The following LRRC17 variants were observed in gnomAD, a reference collection of about 807,000 sequenced individuals.
LRRC17 encodes leucine-rich repeat-containing protein 17.
Under a neutral mutation model 41.5 loss-of-function variants are expected in LRRC17, and 33 were observed. That is an observed-to-expected ratio of 0.80 (90% confidence interval 0.60 to 1.06). The LOEUF (loss-of-function observed/expected upper bound fraction) is 1.06. Among genes scored for constraint, LRRC17 ranks in the 50% least tolerant of loss-of-function variants. LRRC17 has a pLI of 0.00. For missense variants in LRRC17, 491 were observed against 519.3 expected (o/e 0.95, Z 0.53); for synonymous variants, 192 against 197.0 (o/e 0.97, Z 0.21).
At chr7:102,919,620 T>A (rs966642496) in intron 1 of LRRC17, among the ~76,000 whole-genome samples, 4 of 152,176 alleles carry the variant, frequency 2.6e-5, no homozygotes, top group Non-Finnish European at 5.9e-5. Context: ...CAAAAAATCA[T>A]GCTAGCTTCA....
intron 1 of LRRC17, among the ~76,000 whole-genome samples, chr7:102,914,822 A>G (rs1214882105): frequency 6.6e-6 from 1 of 152,118 alleles, no homozygotes; most frequent in Non-Finnish European, 1.5e-5. Context: ...TGTCGAGTGG[A>G]CTGAGCTGTG....
chr7:102,934,738 G>C (rs1466835178), intron 2 of LRRC17, 53 bp downstream of exon 2: 15 of 1,441,650 alleles, frequency 1.0e-5, no homozygotes, highest in Admixed American at 2.2e-5. Context: ...AATGCTCTTT[G>C]AATCTTATAA....
At chr7:102,927,341 A>G (rs984839273) in intron 1 of LRRC17, among the ~76,000 whole-genome samples, 1 of 152,192 alleles carries the variant, frequency 6.6e-6, no homozygotes, top group Non-Finnish European at 1.5e-5. Context: ...GCAGGTATCT[A>G]TCTGTCTGGA....
Position 102,920,984 on chromosome 7 carries a change from G to A in LRRC17, c.-141+7839G>A, listed in dbSNP as rs147631853. On this transcript the variant is annotated intron_variant, in intron 1 of 3. Coordinates refer to ENST00000339431, the MANE Select transcript of LRRC17 (RefSeq NM_001031692.3). ...CTGGCCAACATGATGAAACCCTGTCGCTACTAAAAATACAAATATTAGCCT... is the reference window on the plus strand; with the variant it reads ...CTGGCCAACATGATGAAACCCTGTCACTACTAAAAATACAAATATTAGCCT... Among the ~76,000 whole-genome samples the A allele has an allele frequency of 3.8e-3, 569 of 151,352 alleles. 5 individuals carry two copies. Among genetic ancestry groups the A allele is most frequent in the African/African-American group, 0.014 (560 of 41,280 alleles).
chr7:102,937,524 A>AAT lies in LRRC17; in HGVS notation c.773-1906_773-1905insAT, dbSNP rs10694821. ...TCTGTCTCAAAAAAAAAAAAAAAAA[A>AAT]TGAAGGGTAGCTTTGTCTTTTAATA... On this transcript the variant is annotated intron_variant, in intron 2 of 3. Coordinates refer to ENST00000339431, the MANE Select transcript of LRRC17 (RefSeq NM_001031692.3). 3.0e-4 allele frequency among the ~76,000 whole-genome samples: 45 copies of AAT among 150,806 alleles called. 1 individual carries two copies. Among genetic ancestry groups the AAT allele is most frequent in the African/African-American group, 1.1e-3 (44 of 41,106 alleles).
Position 102,931,687 on chromosome 7 carries a change from A to G in LRRC17, c.-140-2087A>G, listed in dbSNP as rs138739263. ...ATTTCTACTTGCCAGAGGCTCCAACACTGAGCATACATCTACATGATTAAT... is the reference window on the plus strand; with the variant it reads ...ATTTCTACTTGCCAGAGGCTCCAACGCTGAGCATACATCTACATGATTAAT... On this transcript the variant is annotated intron_variant, in intron 1 of 3. Coordinates refer to ENST00000339431, the MANE Select transcript of LRRC17 (RefSeq NM_001031692.3). Among the ~76,000 whole-genome samples the G allele has an allele frequency of 9.9e-3, 1,512 of 152,340 alleles. 19 individuals carry two copies. Among genetic ancestry groups the G allele is most frequent in the Non-Finnish European group, 0.016 (1,080 of 68,028 alleles).
intron 1 of LRRC17, among the ~76,000 whole-genome samples, chr7:102,928,389 T>A (rs916033098): frequency 6.6e-6 from 1 of 152,248 alleles, no homozygotes; most frequent in African/African-American, 2.4e-5. Flanking sequence ...CTGAATGTAA[T>A]ATATTTCATA....
intron 1 of LRRC17, among the ~76,000 whole-genome samples, chr7:102,916,922 T>C (rs553806398): frequency 6.6e-6 from 1 of 152,276 alleles, no homozygotes; most frequent in Admixed American, 6.5e-5. Flanking sequence ...TGGGTTTTTT[T>C]CCATTAAAGA....
chr7:102,922,180 ACT>A (rs1436604073), intron 1 of LRRC17, among the ~76,000 whole-genome samples: 1 of 150,460 alleles, frequency 6.6e-6, no homozygotes, highest in Non-Finnish European at 1.5e-5. Context: ...ACAGAGGAAG[ACT>A]CTGTCTCAAA....
In LRRC17 at chr7:102,933,982, A is replaced by G. The variant is rs556526506; in HGVS notation, c.69A>G (p.Pro23=). ...CKAAELRKAS[P]GSVRSRVNHG... ...CGGCTGAGCTGCGCAAAGCAAGCCC[A>G]GGCAGTGTGAGAAGCCGAGTGAATC... Residue 23 remains proline, a synonymous_variant, in exon 2 of 4, where the codon CCA becomes CCG. Transcript: ENST00000339431. 1.9e-6 allele frequency: 3 copies of G among 1,614,174 alleles called. No individual in the cohort carries two copies. Among genetic ancestry groups the G allele is most frequent in the East Asian group, 2.2e-5 (1 of 44,886 alleles).
chr7:102,943,757 AC>A (rs1378223169), intron 3 of LRRC17, among the ~76,000 whole-genome samples: 1 of 152,138 alleles, frequency 6.6e-6, no homozygotes, highest in Non-Finnish European at 1.5e-5. Context: ...ATTTGACAAC[AC>A]CTTTTGTCAC....
intron 1 of LRRC17, among the ~76,000 whole-genome samples, chr7:102,926,621 CT>C (rs1446939112): frequency 1.3e-5 from 2 of 152,176 alleles, no homozygotes; most frequent in Non-Finnish European, 2.9e-5. Context: ...CACAATGACA[CT>C]TCATTAAAAT....
chr7:102,935,242 C>CTTTTTTTTTTTTTTTTTTCTTT (rs1820077921), intron 2 of LRRC17, among the ~76,000 whole-genome samples: 1 of 76,402 alleles, frequency 1.3e-5, no homozygotes, highest in African/African-American at 5.8e-5. Flanking sequence ...TTTTTTCTTT[C>CTTTTTTTTTTTTTTTTTTCTTT]TTTTTTTTTT....
intron 1 of LRRC17, among the ~76,000 whole-genome samples, chr7:102,922,410 C>T (rs1348096258): frequency 6.6e-6 from 1 of 151,734 alleles, no homozygotes; most frequent in Non-Finnish European, 1.5e-5. Context: ...TAAATTAGTT[C>T]CTAGTTTAAT....
intron 1 of LRRC17, among the ~76,000 whole-genome samples, chr7:102,918,996 T>A (rs1340759294): frequency 6.6e-6 from 1 of 152,112 alleles, no homozygotes. Flanking sequence ...GACTGGAGGA[T>A]CTTAAGTAAT....
chr7:102,917,075 G>A (rs1452304556), intron 1 of LRRC17, among the ~76,000 whole-genome samples: 2 of 152,122 alleles, frequency 1.3e-5, no homozygotes, highest in African/African-American at 2.4e-5. Context: ...TTTGCATGTG[G>A]ATTCTTTTGA....
At position 102,939,597 on chromosome 7, in the gene LRRC17, TGTATAGCCCCTTC is replaced by T; in HGVS notation, c.928+13_928+25del. 1 of 1,597,220 alleles carries T rather than the reference TGTATAGCCCCTTC, an allele frequency of 6.3e-7. No homozygotes were observed. Among genetic ancestry groups the T allele is most frequent in the South Asian group, 1.1e-5 (1 of 88,792 alleles). ...ATTCATCGATCCTGGTAAGTTCCCC[TGTATAGCCCCTTC>T]AATGGGTGGCAAGTGTTCTGTGATT... is the stretch of plus-strand genomic sequence containing the variant. On this transcript the variant is annotated intron_variant, in intron 3 of 3. Transcript: ENST00000339431.
At chr7:102,926,338 C>T in intron 1 of LRRC17, 1 of 1,613,920 alleles carries the variant, frequency 6.2e-7, no homozygotes, top group Non-Finnish European at 8.5e-7. Flanking sequence ...CACAGGACCC[C>T]CGGGCAGCCC....
At chr7:102,913,327 T>C (rs1188190366) in intron 1 of LRRC17, 182 bp downstream of exon 1, 1 of 1,328,110 alleles carries the variant, frequency 7.5e-7, no homozygotes, top group Non-Finnish European at 1.0e-6. Context: ...TTCTTGCAGA[T>C]GTTCAACATT....
Sources: gnomAD v4.1 joint callset for allele counts (sites outside exome capture counted in the v4.1 genomes callset) on GRCh38, gnomAD v4.1.1 for gene constraint, MANE v1.5 for transcripts, NCBI Gene and HGNC (gene_info 2026-07-23, HGNC 2026-07-21) for gene names.